The following CDH17 variants were observed in gnomAD, a reference collection of about 807,000 sequenced individuals.
CDH17 encodes the protein cadherin 17, also known as cadherin-17.
CDH17 carries 67 observed loss-of-function variants against 86.3 expected under a neutral mutation model. The observed-to-expected ratio is 0.78, with a 90% CI of 0.64 to 0.95. CDH17 has a LOEUF of 0.95. Among genes scored for constraint, CDH17 ranks in the 40% least tolerant of loss-of-function variants. CDH17 has a pLI of 0.00. For missense variants in CDH17, 993 were observed against 1,017.6 expected, an observed-to-expected ratio of 0.98 and a Z score of 0.33; for synonymous variants, 367 against 366.4, an observed-to-expected ratio of 1.00 and a Z score of -0.02.
intron 12 of CDH17, among the ~76,000 whole-genome samples, chr8:94,157,063 C>T (rs1812962261): frequency 6.6e-6 from 1 of 152,056 alleles, no homozygotes; most frequent in African/African-American, 2.4e-5. Context: ...TTGCTGTGGG[C>T]CTGAATTTCT....
intron 15 of CDH17, among the ~76,000 whole-genome samples, chr8:94,138,273 G>C (rs2446809): frequency 6.6e-6 from 1 of 151,914 alleles, no homozygotes; most frequent in Non-Finnish European, 1.5e-5. Context: ...AGGGACCAGA[G>C]TTACCATTCC....
intron 10 of CDH17, among the ~76,000 whole-genome samples, chr8:94,163,886 C>A (rs1049594486): frequency 1.6e-4 from 25 of 152,192 alleles, no homozygotes; most frequent in Admixed American, 6.5e-5. Flanking sequence ...CTGCTCTGCA[C>A]ACACCTCGTT....
chr8:94,211,009 A>G (rs974585897), upstream of CDH17, among the ~76,000 whole-genome samples: 2 of 146,818 alleles, frequency 1.4e-5, no homozygotes, highest in Non-Finnish European at 3.0e-5. Flanking sequence ...CGACAGAGCA[A>G]GACTGCATCT....
At chr8:94,137,990 C>T (rs1490849617) in intron 15 of CDH17, among the ~76,000 whole-genome samples, 2 of 152,090 alleles carry the variant, frequency 1.3e-5, no homozygotes, top group Non-Finnish European at 2.9e-5. Context: ...TAAGTCATAA[C>T]ATTTATAGGC....
chr8:94,154,841 T>C (rs925553277), intron 12 of CDH17, among the ~76,000 whole-genome samples: 2 of 152,096 alleles, frequency 1.3e-5, no homozygotes, highest in Non-Finnish European at 2.9e-5. Context: ...CCCTGACACA[T>C]AGTGCCCACA....
At chr8:94,175,234 A>C (rs549331762) in intron 5 of CDH17, among the ~76,000 whole-genome samples, 2 of 152,332 alleles carry the variant, frequency 1.3e-5, no homozygotes, top group Admixed American at 1.3e-4. Context: ...GAGAATATAC[A>C]AGTCCTGAAA....
chr8:94,209,307 C>CA (rs2129667611), upstream of CDH17, among the ~76,000 whole-genome samples: 1 of 152,316 alleles, frequency 6.6e-6, no homozygotes, highest in South Asian at 2.1e-4. Context: ...ACACTTTGGT[C>CA]ACTCTGGGAA....
intron 15 of CDH17, among the ~76,000 whole-genome samples, chr8:94,133,569 G>T (rs141891019): frequency 1.3e-5 from 2 of 152,100 alleles, no homozygotes; most frequent in Non-Finnish European, 2.9e-5. Context: ...TGAGACAATA[G>T]GGTTTTCTAA....
intron 3 of CDH17, among the ~76,000 whole-genome samples, chr8:94,178,586 G>A (rs1813418384): frequency 6.6e-6 from 1 of 151,968 alleles, no homozygotes; most frequent in South Asian, 2.1e-4. Flanking sequence ...AAAAAGGACA[G>A]TGAAATTATT....
intron 9 of CDH17, among the ~76,000 whole-genome samples, chr8:94,170,112 C>A (rs556579959): frequency 6.6e-6 from 1 of 152,216 alleles, no homozygotes; most frequent in Admixed American, 6.5e-5. Context: ...ATATAAGATA[C>A]TAGTGTAGGT....
intron 1 of CDH17, among the ~76,000 whole-genome samples, chr8:94,201,711 T>C (rs1201852126): frequency 6.6e-6 from 1 of 152,186 alleles, no homozygotes; most frequent in Non-Finnish European, 1.5e-5. Context: ...ATGGAACTTT[T>C]GTTTAGCCTG....
At chr8:94,163,456 G>A (rs1813096697) in intron 10 of CDH17, among the ~76,000 whole-genome samples, 1 of 152,256 alleles carries the variant, frequency 6.6e-6, no homozygotes, top group South Asian at 2.1e-4. Flanking sequence ...GTAGCTGGGG[G>A]TGTCACGCCC....
intron 14 of CDH17, 53 bp from the exon 15 acceptor site, chr8:94,146,220 A>G (rs954209462): frequency 1.5e-6 from 2 of 1,379,254 alleles, no homozygotes; most frequent in African/African-American, 3.0e-5. Context: ...TTTCCTCTTA[A>G]TAAGAAAGAT....
intron 3 of CDH17, among the ~76,000 whole-genome samples, chr8:94,178,229 T>G (rs1385464100): frequency 6.6e-6 from 1 of 152,196 alleles, no homozygotes; most frequent in African/African-American, 2.4e-5. Context: ...TATTCATAGA[T>G]ATGGCTATAT....
chr8:94,152,545 C>T (rs1484775496), intron 12 of CDH17, among the ~76,000 whole-genome samples: 1 of 152,104 alleles, frequency 6.6e-6, no homozygotes, highest in African/African-American at 2.4e-5. Flanking sequence ...TTATAGGCAC[C>T]CACCACCACA....
At chr8:94,208,779 A>G (rs905043396), upstream of CDH17, among the ~76,000 whole-genome samples, 7 of 152,234 alleles carry the variant, frequency 4.6e-5, no homozygotes, top group African/African-American at 1.7e-4. Context: ...ACATTTTTCA[A>G]TGTAGATGAG....
chr8:94,187,041 T>A (rs996612846), intron 3 of CDH17, among the ~76,000 whole-genome samples: 2 of 152,226 alleles, frequency 1.3e-5, no homozygotes, highest in Non-Finnish European at 2.9e-5. Context: ...TTTTGAGTAC[T>A]CAGTTTAGGA....
rs1426449231 is a variant in CDH17 at position 94,161,865 on chromosome 8, C to A, written c.1359+221G>T. ...GCCCTTGGAATAAATGAGCTATTGG[C>A]AGGAGTTTATAAATGAATGTTCCCA... On this transcript the variant is annotated intron_variant, in intron 11 of 17. Transcript: ENST00000027335. Among the ~76,000 whole-genome samples the A allele has an allele frequency of 2.6e-5, 4 of 152,184 alleles. No individual in the cohort carries two copies. In the East Asian group the frequency reaches 7.7e-4, roughly 29 times the overall value.
At chr8:94,135,463 G>C (rs1336037310) in intron 15 of CDH17, among the ~76,000 whole-genome samples, 1 of 152,182 alleles carries the variant, frequency 6.6e-6, no homozygotes, top group Non-Finnish European at 1.5e-5. Flanking sequence ...TGTTTTATCA[G>C]AGACTAGGAT....
Sources: gnomAD v4.1 joint callset for allele counts (sites outside exome capture counted in the v4.1 genomes callset) on GRCh38, gnomAD v4.1.1 for gene constraint, MANE v1.5 for transcripts, NCBI Gene and HGNC (gene_info 2026-07-23, HGNC 2026-07-21) for gene names.